The following CDH12 variants were observed in gnomAD, a reference collection of about 807,000 sequenced individuals.
CDH12 encodes the protein cadherin-12.
CDH12 carries 41 observed loss-of-function variants against 74.1 expected under a neutral mutation model. The ratio of observed to expected loss-of-function variants is 0.55; its 90% confidence interval spans 0.43 to 0.72. The LOEUF is 0.72. Ranked by LOEUF, CDH12 falls within the 30% of genes least tolerant of loss-of-function variation. The pLI is 0.00. For missense variants in CDH12, 945 were observed against 977.2 expected (o/e 0.97, Z 0.44); for synonymous variants, 399 against 355.0 (o/e 1.12, Z -1.39).
intron 3 of CDH12, among the ~76,000 whole-genome samples, chr5:22,338,754 A>G (rs1460312924): frequency 2.0e-5 from 3 of 152,180 alleles, no homozygotes; most frequent in African/African-American, 7.2e-5. Context: ...AAATTTAAAA[A>G]GAATGTGGCA....
At chr5:22,614,609 G>C (rs1272352422) in intron 1 of CDH12, among the ~76,000 whole-genome samples, 1 of 152,102 alleles carries the variant, frequency 6.6e-6, no homozygotes, top group African/African-American at 2.4e-5. Context: ...GTGAAGGACA[G>C]CATTATGAAA....
chr5:22,074,634 C>G (rs1240274087), intron 5 of CDH12, among the ~76,000 whole-genome samples: 1 of 152,120 alleles, frequency 6.6e-6, no homozygotes, highest in Non-Finnish European at 1.5e-5. Flanking sequence ...ACAACCCCAT[C>G]AAAAAGTGGG....
At chr5:21,981,349 C>G (rs1412970007) in intron 5 of CDH12, among the ~76,000 whole-genome samples, 1 of 151,836 alleles carries the variant, frequency 6.6e-6, no homozygotes, top group African/African-American at 2.4e-5. Context: ...CATCTGTATA[C>G]TTACCTCCTA....
intron 3 of CDH12, among the ~76,000 whole-genome samples, chr5:22,325,800 C>T (rs1040115626): frequency 3.9e-5 from 6 of 151,946 alleles, no homozygotes; most frequent in Non-Finnish European, 8.8e-5. Flanking sequence ...CCCAGCTGCT[C>T]GGGAGGCTGA....
intron 3 of CDH12, among the ~76,000 whole-genome samples, chr5:22,310,680 A>C (rs1047999991): frequency 2.0e-5 from 3 of 152,190 alleles, no homozygotes; most frequent in Non-Finnish European, 2.9e-5. Flanking sequence ...GACCACCTTG[A>C]GAGCACATTG....
chr5:22,217,800 GA>G (rs968293937), intron 3 of CDH12, among the ~76,000 whole-genome samples: 7 of 151,240 alleles, frequency 4.6e-5, no homozygotes, highest in African/African-American at 1.2e-4. Context: ...TTGCTCAATA[GA>G]AAAAAAATGT....
chr5:21,953,644 T>C (rs1227068033), intron 6 of CDH12, among the ~76,000 whole-genome samples: 1 of 152,160 alleles, frequency 6.6e-6, no homozygotes, highest in Non-Finnish European at 1.5e-5. Flanking sequence ...TTTAGTTCTT[T>C]AAAGTAAAAG....
intron 1 of CDH12, among the ~76,000 whole-genome samples, chr5:22,839,066 A>G (rs952370471): frequency 4.6e-5 from 7 of 152,146 alleles, no homozygotes; most frequent in Admixed American, 2.6e-4. Context: ...TGTTAACACG[A>G]TTATGTCTAC....
intron 3 of CDH12, among the ~76,000 whole-genome samples, chr5:22,387,336 A>T (rs918730961): frequency 2.0e-5 from 3 of 152,160 alleles, no homozygotes; most frequent in Admixed American, 6.6e-5. Context: ...ATTAATTTTT[A>T]AAAAATAAAT....
Position 21,844,523 on chromosome 5 carries a change from A to G in CDH12, c.647-2195T>C, listed in dbSNP as rs555496936. 2.0e-5 allele frequency among the ~76,000 whole-genome samples: 3 copies of G among 152,300 alleles called. No individual in the cohort carries two copies. The East Asian group carries it at 5.8e-4, about 29-fold the overall frequency. On this transcript the variant is annotated intron_variant, in intron 7 of 14. Transcript: ENST00000382254. ...TTCTACATACTATCCAGTTGGTAGCATTACACTAACAGCAGGGCTAGAAGC... is the reference window on the plus strand; with the variant it reads ...TTCTACATACTATCCAGTTGGTAGCGTTACACTAACAGCAGGGCTAGAAGC...
chr5:22,736,729 C>A (rs531924057), intron 1 of CDH12, among the ~76,000 whole-genome samples: 8 of 151,990 alleles, frequency 5.3e-5, no homozygotes, highest in African/African-American at 1.9e-4. Flanking sequence ...CACACACACA[C>A]ACACAAAAAG....
intron 5 of CDH12, among the ~76,000 whole-genome samples, chr5:22,035,713 TACACACACACACAC>T (rs149918147): frequency 2.1e-5 from 3 of 143,250 alleles, no homozygotes; most frequent in Admixed American, 7.0e-5. Context: ...ACTTCACACA[TACACACACACACAC>T]ACACACACAC....
intron 4 of CDH12, among the ~76,000 whole-genome samples, chr5:22,113,081 C>G (rs1744904442): frequency 6.6e-6 from 1 of 152,138 alleles, no homozygotes; most frequent in South Asian, 2.1e-4. Flanking sequence ...TCATGCCCTA[C>G]AAATCATAAA....
chr5:21,987,280 A>T (rs11959096), intron 5 of CDH12, among the ~76,000 whole-genome samples: 301 of 152,318 alleles, frequency 2.0e-3, no homozygotes, highest in African/African-American at 6.6e-3. Flanking sequence ...CTAATTTTTA[A>T]TACATGCAAA....
At chr5:21,979,068 G>C (rs912459836) in intron 5 of CDH12, among the ~76,000 whole-genome samples, 1 of 151,650 alleles carries the variant, frequency 6.6e-6, no homozygotes, top group East Asian at 2.0e-4. Context: ...AAAATCACAT[G>C]ATGCCATTTT....
intron 3 of CDH12, among the ~76,000 whole-genome samples, chr5:22,332,598 G>A (rs561764867): frequency 5.9e-5 from 9 of 151,974 alleles, no homozygotes; most frequent in South Asian, 2.1e-4. Flanking sequence ...TAATCTACAC[G>A]GAACTTAAAC....
At chr5:21,944,916 G>T (rs893836213) in intron 6 of CDH12, among the ~76,000 whole-genome samples, 2 of 152,080 alleles carry the variant, frequency 1.3e-5, no homozygotes, top group Non-Finnish European at 2.9e-5. Flanking sequence ...TGATAGGATG[G>T]TATTAGTAGG....
chr5:22,014,605 T>G (rs1737492612), intron 5 of CDH12, among the ~76,000 whole-genome samples: 1 of 152,138 alleles, frequency 6.6e-6, no homozygotes, highest in African/African-American at 2.4e-5. Context: ...TGCACTGATA[T>G]GGACAAATCA....
At chr5:22,295,834 T>C (rs551837906) in intron 3 of CDH12, among the ~76,000 whole-genome samples, 6 of 152,172 alleles carry the variant, frequency 3.9e-5, no homozygotes, top group African/African-American at 1.2e-4. Context: ...TGCAGAGGTA[T>C]AGAGAATGAA....
Sources: allele counts gnomAD v4.1 joint callset (sites outside exome capture counted in the v4.1 genomes callset), GRCh38; gene constraint gnomAD v4.1.1; transcripts MANE v1.5; gene names NCBI Gene and HGNC (gene_info 2026-07-23, HGNC 2026-07-21).